The following PLEKHG4B variants were observed in gnomAD, a reference collection of about 807,000 sequenced individuals.
PLEKHG4B encodes pleckstrin homology domain-containing family G member 4B.
PLEKHG4B carries 111 observed loss-of-function variants against 121.3 expected under a neutral mutation model. That is an observed-to-expected ratio of 0.92 (90% CI 0.78 to 1.07). The LOEUF (loss-of-function observed/expected upper bound fraction) is 1.07. Ranked by LOEUF, PLEKHG4B falls within the 50% of genes least tolerant of loss-of-function variation. The pLI, the probability that PLEKHG4B is intolerant of heterozygous loss-of-function variation, is 0.00. For synonymous variants in PLEKHG4B, 738 were observed against 725.0 expected (o/e 1.02, Z -0.29); for missense variants, 1,831 against 1,757.8 (o/e 1.04, Z -0.74).
intron 13 of PLEKHG4B, 57 bp from the exon 14 acceptor site, chr5:169,282 CT>C (rs1225411106): frequency 7.5e-6 from 12 of 1,594,976 alleles, no homozygotes; most frequent in African/African-American, 1.3e-5. Flanking sequence ...GCATGAATTG[CT>C]TTTAATAAAG....
intron 5 of PLEKHG4B, among the ~76,000 whole-genome samples, chr5:144,437 C>A (rs1735335473): frequency 6.6e-6 from 1 of 152,210 alleles, no homozygotes; most frequent in Non-Finnish European, 1.5e-5. Flanking sequence ...AACAGGCCAT[C>A]CACATCCCAT....
chr5:181,913 C>A, intron 19 of PLEKHG4B, 91 bp from the exon 20 acceptor site: 1 of 1,433,802 alleles, frequency 7.0e-7, no homozygotes, highest in South Asian at 1.3e-5. Flanking sequence ...AAAGCCTGGT[C>A]GGCCTTTCAG....
At chr5:110,399 G>T (rs1385915826) in intron 1 of PLEKHG4B, among the ~76,000 whole-genome samples, 1 of 104,070 alleles carries the variant, frequency 9.6e-6, no homozygotes, top group Non-Finnish European at 1.9e-5. Context: ...TGCAACACAC[G>T]TGCACACACC....
rs999329923 is a variant in PLEKHG4B at position 184,003 on chromosome 5, A to AGATAGATAGAT, written c.*1681_*1691dup. 7.6e-5 allele frequency: 11 copies of AGATAGATAGAT among 144,368 alleles called. No individual in the cohort carries two copies. The East Asian group carries it at 1.9e-3, about 26-fold the overall frequency. 8.9% of individuals were successfully genotyped at this position (144,368 alleles called of 1,614,324 possible). On this transcript the variant is annotated 3_prime_UTR_variant, in exon 20 of 20. Transcript: ENST00000637938. The stretch of plus-strand genomic sequence containing the variant: ...TAGATAGATAGATCGATAGATAGAT[A>AGATAGATAGAT]GATAGATAGATAGATAGATAGATAG...
Position 173,953 on chromosome 5 carries a change from C to A in PLEKHG4B, c.4257C>A (p.Asp1419Glu). ...AEIGMTENVG[D>E]SGLRFEIWFR... ...TCGGGATGACAGAGAACGTCGGGGA[C>A]AGTGGCTTGAGGTTTGAGATTTGGT... The change falls in exon 18 of 20, where the codon GAC becomes GAA. Residue 1419 changes from aspartate to glutamate, a missense_variant. Asp to Glu is a conservative substitution (Grantham distance 45). Transcript: ENST00000637938. 6.2e-7 allele frequency: 1 copy of A among 1,613,454 alleles called. No homozygotes were observed. The highest frequency in any genetic ancestry group is 2.2e-5 in the East Asian group (1 of 44,820).
At chr5:94,063 A>G (rs993869445) in intron 1 of PLEKHG4B, among the ~76,000 whole-genome samples, 17 of 152,174 alleles carry the variant, frequency 1.1e-4, no homozygotes, top group Admixed American at 1.1e-3. Flanking sequence ...AGGTGGGGCT[A>G]CTCATTCTAT....
chr5:96,620 A>AC (rs1450678300), intron 1 of PLEKHG4B, among the ~76,000 whole-genome samples: 3 of 152,200 alleles, frequency 2.0e-5, no homozygotes, highest in Non-Finnish European at 4.4e-5. Flanking sequence ...TGGAACAAGC[A>AC]TTTAGTCAGT....
At chr5:149,940 T>C (rs1735551518) in intron 6 of PLEKHG4B, among the ~76,000 whole-genome samples, 1 of 152,224 alleles carries the variant, frequency 6.6e-6, no homozygotes, top group Non-Finnish European at 1.5e-5. Flanking sequence ...TAGTGACTCA[T>C]TGTGGAAAAC....
rs1733594352 is a variant in PLEKHG4B, at chr5:185,354, T to A, written c.*3031T>A. 1 of 152,278 alleles carries A rather than the reference T, an allele frequency of 6.6e-6. No individual in the cohort carries two copies. Among genetic ancestry groups the A allele is most frequent in the South Asian group, 2.1e-4 (1 of 4,834 alleles). 9.4% of individuals were successfully genotyped at this position (152,278 alleles called of 1,614,324 possible). A position where few individuals can be genotyped will look rare whatever the true frequency, so the allele number is the denominator to read the frequency against. ...GTTGTCAAACTGCATGCTTTAAAGATGTGCAGTGGATCGTATGTCGCTTAA... is the reference window on the plus strand; with the variant it reads ...GTTGTCAAACTGCATGCTTTAAAGAAGTGCAGTGGATCGTATGTCGCTTAA... On this transcript the variant is annotated 3_prime_UTR_variant, in exon 20 of 20. Coordinates refer to ENST00000637938, the MANE Select transcript of PLEKHG4B (RefSeq NM_052909.5).
rs1243036480 is a variant in PLEKHG4B, at chr5:139,045, G to T, written c.244-438G>T. Reference sequence around the variant, plus strand: ...GCCTGCAGCAGCCGGGAGCCACAGGGAGCACCGGGAGTGCAGAGGAGGGAG... The same window carrying T: ...GCCTGCAGCAGCCGGGAGCCACAGGTAGCACCGGGAGTGCAGAGGAGGGAG... On this transcript the variant is annotated intron_variant, in intron 2 of 19. Transcript: ENST00000637938. This position sits in a 1 kb window ranked among gnomAD's most constrained non-coding sequence, Gnocchi z 5.0. 6.6e-6 allele frequency among the ~76,000 whole-genome samples: 1 copy of T among 152,208 alleles called. No homozygotes were observed. Among genetic ancestry groups the T allele is most frequent in the African/African-American group, 2.4e-5 (1 of 41,448 alleles).
rs1261150924 is a variant in PLEKHG4B, at chr5:157,055, C to T, written c.2487+144C>T. ...TGAAATTATGTCAGGATAGGGCATGCCTTGCTGCTTGTGTAAAAAGAAATA... is the reference window on the plus strand; with the variant it reads ...TGAAATTATGTCAGGATAGGGCATGTCTTGCTGCTTGTGTAAAAAGAAATA... On this transcript the variant is annotated intron_variant, in intron 11 of 19. Transcript: ENST00000637938. This position sits in a 1 kb window ranked among gnomAD's most constrained non-coding sequence, Gnocchi z 4.6. The T allele has an allele frequency of 1.8e-6, 2 of 1,130,004 alleles. No homozygotes were observed. The highest frequency in any genetic ancestry group is 1.3e-6 in the Non-Finnish European group (1 of 774,672). 70.0% of individuals were successfully genotyped at this position (1,130,004 alleles called of 1,614,324 possible). A position where few individuals can be genotyped will look rare whatever the true frequency, so the allele number is the denominator to read the frequency against.
At chr5:95,531 C>G (rs1216267970) in intron 1 of PLEKHG4B, among the ~76,000 whole-genome samples, 1 of 152,214 alleles carries the variant, frequency 6.6e-6, no homozygotes, top group Non-Finnish European at 1.5e-5. Context: ...GCTTCATTCC[C>G]CGGCTTCTGT....
intron 18 of PLEKHG4B, among the ~76,000 whole-genome samples, chr5:180,400 G>C (rs1025651587): frequency 2.0e-5 from 3 of 152,114 alleles, no homozygotes; most frequent in Non-Finnish European, 4.4e-5. Flanking sequence ...TTGAATTCCA[G>C]ATTTTATCTC....
At chr5:98,970 CAG>C (rs1401284880) in intron 1 of PLEKHG4B, among the ~76,000 whole-genome samples, 8 of 138,558 alleles carry the variant, frequency 5.8e-5, no homozygotes, top group South Asian at 4.5e-4. Flanking sequence ...GCCTGGCCAA[CAG>C]AGTGAAACCC....
intron 18 of PLEKHG4B, among the ~76,000 whole-genome samples, chr5:176,566 A>G (rs1401440689): frequency 1.3e-5 from 2 of 152,244 alleles, no homozygotes; most frequent in Non-Finnish European, 2.9e-5. Flanking sequence ...CCAACTTGAC[A>G]GCAACTTGAT....
chr5:104,453 G>A lies in PLEKHG4B; in HGVS notation c.46-8798G>A, dbSNP rs561744338. ...ATAATAAACATTTTTCTAAAATACGGATCCTTCAAGGAAGAAAATTATTAT... is the reference window on the plus strand; with the variant it reads ...ATAATAAACATTTTTCTAAAATACGAATCCTTCAAGGAAGAAAATTATTAT... On this transcript the variant is annotated intron_variant, in intron 1 of 19. Transcript: ENST00000637938. Among the ~76,000 whole-genome samples the A allele has an allele frequency of 3.3e-5, 5 of 152,314 alleles. No homozygotes were observed. In the South Asian group the frequency reaches 1.0e-3, roughly 32 times the overall value.
intron 18 of PLEKHG4B, among the ~76,000 whole-genome samples, chr5:176,448 G>A (rs906332105): frequency 6.6e-6 from 1 of 152,232 alleles, no homozygotes; most frequent in East Asian, 1.9e-4. Context: ...TGATTCAAGC[G>A]CAAAGCATGA....
In PLEKHG4B at chr5:169,265, G is replaced by C. The variant is rs374680223; in HGVS notation, c.3477-75G>C. The C allele has an allele frequency of 1.1e-5, 18 of 1,570,144 alleles. No individual in the cohort carries two copies. The South Asian group carries it at 2.1e-4, about 19-fold the overall frequency. ...TCCCTCCGGGTTTTCATGTGTTTCT[G>C]TCTCAGGCATGAATTGCTTTTAATA... is the stretch of plus-strand genomic sequence containing the variant. On this transcript the variant is annotated intron_variant, in intron 13 of 19. Coordinates refer to ENST00000637938, the MANE Select transcript of PLEKHG4B (RefSeq NM_052909.5).
intron 18 of PLEKHG4B, among the ~76,000 whole-genome samples, chr5:178,087 TC>T (rs902514675): frequency 1.3e-3 from 199 of 152,380 alleles, no homozygotes; most frequent in Non-Finnish European, 2.6e-3. Flanking sequence ...ATTGTATGCA[TC>T]CCCATCTGAG....
Sources: allele counts gnomAD v4.1 joint callset (sites outside exome capture counted in the v4.1 genomes callset), GRCh38; gene constraint gnomAD v4.1.1; non-coding constraint Gnocchi (gnomAD v3.1); transcripts MANE v1.5; gene names NCBI Gene and HGNC (gene_info 2026-07-23, HGNC 2026-07-21).